The following RSRP1 variants were observed in gnomAD, a reference collection of about 807,000 sequenced individuals.
RSRP1 encodes arginine and serine rich protein 1.
In RSRP1, 37 loss-of-function variants were observed where a neutral mutation model predicts 33.0. The observed-to-expected ratio is 1.12, with a 90% CI of 0.86 to 1.48. RSRP1 has a LOEUF of 1.48. Among genes scored for constraint, RSRP1 ranks in the 40% most tolerant of loss-of-function variants. RSRP1 has a pLI of 0.00. For synonymous variants in RSRP1, 167 were observed against 158.7 expected (o/e 1.05, Z -0.40); for missense variants, 402 against 385.3 (o/e 1.04, Z -0.36).
chr1:25,246,118 G>A (rs1030358099), intron 2 of RSRP1: 6 of 283,954 alleles, frequency 2.1e-5, no homozygotes, highest in African/African-American at 1.1e-4. Flanking sequence ...AAAAGAAGGC[G>A]TGTTTTGATA....
At chr1:25,324,925 G>GT (rs1379983625) in intron 1 of RSRP1, among the ~76,000 whole-genome samples, 7 of 111,586 alleles carry the variant, frequency 6.3e-5, no homozygotes, top group Non-Finnish European at 1.1e-4. Flanking sequence ...GTGGATGCCT[G>GT]TAATCCCAGC....
In RSRP1 at chr1:25,246,381, C is replaced by T. The variant is rs1639392680; in HGVS notation, c.520+63G>A. 7.6e-6 allele frequency: 12 copies of T among 1,568,878 alleles called. No homozygotes were observed. In the South Asian group the frequency reaches 1.2e-4, roughly 15 times the overall value. ...GAAACTACACAGCAACGTTGGTTCC[C>T]TAGCCTACTCATATACTGCCACCAT... On this transcript the variant is annotated intron_variant, in intron 2 of 4. Transcript: ENST00000243189.
In RSRP1 at chr1:25,245,042, T is replaced by C. The variant is rs1360374868; in HGVS notation, c.672+108A>G. On this transcript the variant is annotated intron_variant, in intron 3 of 4. Coordinates refer to ENST00000243189, the MANE Select transcript of RSRP1 (RefSeq NM_020317.5). ...TTGCTACTTTGAATTTAGCACATTATATACATCTCTAGACTTCCCAAAAAG... is the reference window on the plus strand; with the variant it reads ...TTGCTACTTTGAATTTAGCACATTACATACATCTCTAGACTTCCCAAAAAG... 2.5e-6 allele frequency: 4 copies of C among 1,602,420 alleles called. No individual in the cohort carries two copies. In the East Asian group the frequency reaches 8.9e-5, roughly 36 times the overall value.
Position 25,300,872 on chromosome 1 carries a change from T to C in RSRP1, c.-67+37106A>G. On this transcript the variant is annotated intron_variant, in intron 1 of 1. Coordinates refer to the RSRP1 transcript ENST00000561867. The stretch of plus-strand genomic sequence containing the variant: ...ACCTCCTAAGTGAAGCTCTGAACTT[T>C]CTCCAAGGACTATCAGGGCTTGCCC... The C allele has an allele frequency of 2.2e-6, 3 of 1,340,840 alleles. 1 individual carries two copies. Among genetic ancestry groups the C allele is most frequent in the Non-Finnish European group, 3.2e-6 (3 of 948,446 alleles). The allele number at this position is 1,340,840 out of a possible 1,614,324, so 83.1% of individuals were successfully genotyped here.
In RSRP1 at chr1:25,245,189, G is replaced by C; in HGVS notation, c.633C>G (p.Ser211Arg). ...LRTVPSAKET[S>R]RGIGVSSNGA... The stretch of plus-strand genomic sequence containing the variant: ...CATTACTTGATACACCTATTCCACG[G>C]CTTGTTTCTTTGGCTGAAGGAACAG... Residue 211 changes from serine to arginine, a missense_variant, in exon 3 of 5, where the codon AGC becomes AGG. Transcript: ENST00000243189. 6.2e-7 allele frequency: 1 copy of C among 1,614,044 alleles called. No individual in the cohort carries two copies.
Position 25,277,782 on chromosome 1 carries a change from C to G in RSRP1, c.-66-30753G>C, listed in dbSNP as rs1339075196. On this transcript the variant is annotated intron_variant, in intron 1 of 1. Coordinates refer to the RSRP1 transcript ENST00000561867. ...CTCCACCTCCCAGGTTCAAGTAATT[C>G]TCCTGCCTCAGCCTCCCGAGTAGCT... Among the ~76,000 whole-genome samples, 2 of 121,514 alleles carry G rather than the reference C, an allele frequency of 1.6e-5. 1 individual carries two copies. Among genetic ancestry groups the G allele is most frequent in the Non-Finnish European group, 3.9e-5 (2 of 51,446 alleles). The allele number at this position is 121,514 out of a possible 152,430, so 79.7% of individuals were successfully genotyped here. A position where few individuals can be genotyped will look rare whatever the true frequency, so the allele number is the denominator to read the frequency against.
chr1:25,297,613 G>A (rs1325607151), intron 1 of RSRP1, among the ~76,000 whole-genome samples: 1 of 130,940 alleles, frequency 7.6e-6, no homozygotes, highest in Non-Finnish European at 1.8e-5. Context: ...AAAAGCTTTC[G>A]CTTCTCTGTT....
chr1:25,334,903 C>A lies in RSRP1; in HGVS notation c.-67+3075G>T, dbSNP rs549346041. ...GGCCTGGCCAACAAAACCATTTTTT[C>A]CTGATATCTCTGGACCTGTGATGGG... On this transcript the variant is annotated intron_variant, in intron 1 of 1. Transcript: ENST00000561867. Among the ~76,000 whole-genome samples the A allele has an allele frequency of 9.4e-5, 12 of 127,974 alleles. 1 individual carries two copies. The East Asian group carries it at 2.2e-3, about 23-fold the overall frequency. The allele number at this position is 127,974 out of a possible 152,430, so 84.0% of individuals were successfully genotyped here. A position where few individuals can be genotyped will look rare whatever the true frequency, so the allele number is the denominator to read the frequency against.
chr1:25,298,620 A>C lies in RSRP1; in HGVS notation c.-67+39358T>G, dbSNP rs566774248. Reference sequence around the variant, plus strand: ...ACAAGCCCGCTTTTCAGTTCTTATCAGGAAACTGCATAGACTTTCCTCTTT... The same window carrying C: ...ACAAGCCCGCTTTTCAGTTCTTATCCGGAAACTGCATAGACTTTCCTCTTT... On this transcript the variant is annotated intron_variant, in intron 1 of 1. Transcript: ENST00000561867. Among the ~76,000 whole-genome samples the C allele has an allele frequency of 8.3e-5, 11 of 132,024 alleles. 1 individual carries two copies. In the South Asian group the frequency reaches 2.5e-3, roughly 30 times the overall value. 86.6% of individuals were successfully genotyped at this position (132,024 alleles called of 152,430 possible).
At position 25,266,454 on chromosome 1, in the gene RSRP1, C is replaced by CT. The variant is rs1640313625; in HGVS notation, c.-66-19426dup. ...ACTGCCTGCACTAGATTCCTCCACC[C>CT]TGAGACATTAAACAATCACGATAAA... On this transcript the variant is annotated intron_variant, in intron 1 of 1. Coordinates refer to the RSRP1 transcript ENST00000561867. 1.5e-5 allele frequency among the ~76,000 whole-genome samples: 2 copies of CT among 129,162 alleles called. 1 individual carries two copies. The highest frequency in any genetic ancestry group is 3.6e-5 in the Non-Finnish European group (2 of 55,590). The allele number at this position is 129,162 out of a possible 152,430, so 84.7% of individuals were successfully genotyped here.
chr1:25,306,164 G>A (rs1411761133), intron 1 of RSRP1, among the ~76,000 whole-genome samples: 2 of 131,728 alleles, frequency 1.5e-5, no homozygotes, highest in Admixed American at 7.3e-5. Context: ...GTCTGGAGGC[G>A]TTCTTGGTTG....
chr1:25,262,385 G>A (rs1134742), intron 1 of RSRP1, among the ~76,000 whole-genome samples: 5 of 152,174 alleles, frequency 3.3e-5, no homozygotes, highest in Admixed American at 6.5e-5. Context: ...TCTAATGGAA[G>A]AAACAGAAAA....
At chr1:25,280,029 CAGG>C in intron 1 of RSRP1, among the ~76,000 whole-genome samples, 1 of 129,716 alleles carries the variant, frequency 7.7e-6, no homozygotes, top group South Asian at 2.3e-4. Flanking sequence ...GCCTGGAGCC[CAGG>C]AGAAGTGGGA....
chr1:25,242,632 A>G lies in RSRP1; in HGVS notation c.830T>C (p.Ile277Thr), dbSNP rs759708492. ...TCCATATGGACTTTTTTTCTGATCT[A>G]TTTTTGGTGATCTTGAAGATGCCTC... ...TEEASSRSPKIDQKKSPYGLW... is the reference protein window; with the variant it reads ...TEEASSRSPKTDQKKSPYGLW... Residue 277 changes from isoleucine (I) to threonine (T), a missense_variant, in exon 5 of 5, where the codon ATA becomes ACA. By Grantham distance (89) the Ile-to-Thr change is moderately conservative (BLOSUM62 -1). Transcript: ENST00000243189. 27 of 1,612,476 alleles carry G rather than the reference A, an allele frequency of 1.7e-5. No individual in the cohort carries two copies. The highest frequency in any genetic ancestry group is 2.0e-5 in the Non-Finnish European group (24 of 1,179,766).
chr1:25,277,417 G>A lies in RSRP1; in HGVS notation c.-66-30388C>T, dbSNP rs192143504. Among the ~76,000 whole-genome samples the A allele has an allele frequency of 1.4e-3, 184 of 133,324 alleles. 20 individuals are homozygous for A. Among genetic ancestry groups the A allele is most frequent in the African/African-American group, 4.4e-3 (174 of 39,104 alleles). The allele number at this position is 133,324 out of a possible 152,430, so 87.5% of individuals were successfully genotyped here. A position where few individuals can be genotyped will look rare whatever the true frequency, so the allele number is the denominator to read the frequency against. On this transcript the variant is annotated intron_variant, in intron 1 of 1. Transcript: ENST00000561867. ...TCTCAGGCCCTAGGCCAGACCTACT[G>A]ATCAGAAGCTCTGGGCCTGGGGCCC...
chr1:25,274,463 G>A lies in RSRP1; in HGVS notation c.-66-27434C>T, dbSNP rs1392549461. Among the ~76,000 whole-genome samples, 10 of 132,192 alleles carry A rather than the reference G, an allele frequency of 7.6e-5. 1 individual carries two copies. The highest frequency in any genetic ancestry group is 2.6e-5 in the African/African-American group (1 of 38,756). 86.7% of individuals were successfully genotyped at this position (132,192 alleles called of 152,430 possible). On this transcript the variant is annotated intron_variant, in intron 1 of 1. Transcript: ENST00000561867. ...TTTACCCCTGCACCGTGCTACTAAC[G>A]TAGGTACAAAATGTCCTCAGAAACT...
Position 25,320,306 on chromosome 1 carries a change from A to G in RSRP1, c.-67+17672T>C, listed in dbSNP as rs1024063878. The stretch of plus-strand genomic sequence containing the variant: ...CCTTTTCCACGTTATATGGCACGTT[A>G]TAAGTGGGTGTTCCTAGTGATGGTT... On this transcript the variant is annotated intron_variant, in intron 1 of 1. Coordinates refer to the RSRP1 transcript ENST00000561867. Among the ~76,000 whole-genome samples, 2 of 132,552 alleles carry G rather than the reference A, an allele frequency of 1.5e-5. 1 individual carries two copies. The highest frequency in any genetic ancestry group is 3.6e-5 in the Non-Finnish European group (2 of 55,984). The allele number at this position is 132,552 out of a possible 152,430, so 87.0% of individuals were successfully genotyped here. A position where few individuals can be genotyped will look rare whatever the true frequency, so the allele number is the denominator to read the frequency against.
At position 25,252,695 on chromosome 1, in the gene RSRP1, A is replaced by G. The variant is rs551447012; in HGVS notation, c.-66-5666T>C. ...ATTACAGGCGCCAGCAACTACGCCC[A>G]GCTAATTTTTGGTATTTTTAGTAGG... On this transcript the variant is annotated intron_variant, in intron 1 of 1. Transcript: ENST00000561867. Among the ~76,000 whole-genome samples the G allele has an allele frequency of 2.6e-5, 4 of 152,196 alleles. No homozygotes were observed. The Middle Eastern group carries it at 0.01, about 388-fold the overall frequency.
chr1:25,244,387 A>G, intron 3 of RSRP1: 1 of 1,289,368 alleles, frequency 7.8e-7, no homozygotes, highest in Non-Finnish European at 1.0e-6. Flanking sequence ...CAAAAAAACT[A>G]AGTTTTCAGT....
Sources: allele counts gnomAD v4.1 joint callset (sites outside exome capture counted in the v4.1 genomes callset), GRCh38; gene constraint gnomAD v4.1.1; transcripts MANE v1.5; gene names NCBI Gene and HGNC (gene_info 2026-07-23, HGNC 2026-07-21).